Variants in KCTD9 observed in about 807,000 individuals in gnomAD.
KCTD9 encodes the protein potassium channel tetramerization domain containing 9, also known as BTB/POZ domain-containing protein KCTD9.
Under a neutral mutation model 53.3 loss-of-function variants are expected in KCTD9, and 17 were observed. The ratio of observed to expected loss-of-function variants is 0.32; its 90% CI spans 0.22 to 0.48. The LOEUF (loss-of-function observed/expected upper bound fraction) is 0.48. Ranked by LOEUF, KCTD9 falls within the 20% of genes least tolerant of loss-of-function variation. KCTD9 has a pLI of 0.99. For missense variants in KCTD9, 179 were observed against 465.5 expected (o/e 0.38, Z 5.66); for synonymous variants, 128 against 162.7 (o/e 0.79, Z 1.62).
At chr8:25,430,808 TACACACAC>T (rs139075991) in intron 11 of KCTD9, among the ~76,000 whole-genome samples, 14,206 of 145,474 alleles carry the variant, frequency 0.098, 739 homozygotes, top group African/African-American at 0.13. Context: ...ACATAATAAA[TACACACAC>T]ACACACACAC....
intron 1 of KCTD9, among the ~76,000 whole-genome samples, chr8:25,452,721 A>G (rs566853585): frequency 6.6e-6 from 1 of 152,364 alleles, no homozygotes; most frequent in Admixed American, 6.5e-5. Context: ...TCAATTTAAC[A>G]ACAAAATATA....
chr8:25,457,620 G>C (rs1266463357), intron 1 of KCTD9: 1 of 152,394 alleles, frequency 6.6e-6, no homozygotes, highest in East Asian at 1.9e-4. Context: ...CGGGGCGTGG[G>C]GGCTTGAGGC....
At chr8:25,434,795 A>T (rs983353843) in intron 9 of KCTD9, among the ~76,000 whole-genome samples, 2 of 152,170 alleles carry the variant, frequency 1.3e-5, no homozygotes, top group Admixed American at 6.5e-5. Flanking sequence ...AAATTAATAG[A>T]TTTCATTGTT....
At chr8:25,437,847 CAAAAAAAAAAAAAAAA>C (rs59540797) in intron 6 of KCTD9, among the ~76,000 whole-genome samples, 14 of 62,540 alleles carry the variant, frequency 2.2e-4, no homozygotes, top group South Asian at 1.4e-3. Context: ...GACCCTGTCT[CAAAAAAAAAAAAAAAA>C]AAAAAAAAAA....
chr8:25,430,749 G>A (rs1043486807), intron 11 of KCTD9, among the ~76,000 whole-genome samples: 3 of 151,788 alleles, frequency 2.0e-5, no homozygotes, highest in African/African-American at 7.3e-5. Flanking sequence ...CCAGTCCCTG[G>A]TGCCAAAAAG....
At chr8:25,433,262 T>C in intron 10 of KCTD9, 68 bp downstream of exon 10, 1 of 839,400 alleles carries the variant, frequency 1.2e-6, no homozygotes, top group Non-Finnish European at 1.9e-6. Flanking sequence ...TAACAATTAT[T>C]TTCCAGGGCT....
intron 3 of KCTD9, among the ~76,000 whole-genome samples, chr8:25,443,712 A>G (rs1354552450): frequency 6.6e-6 from 1 of 152,214 alleles, no homozygotes; most frequent in Non-Finnish European, 1.5e-5. Flanking sequence ...ATGCTTTAAA[A>G]AATACTTAAA....
At chr8:25,451,965 C>T (rs1319476570) in intron 1 of KCTD9, among the ~76,000 whole-genome samples, 3 of 152,062 alleles carry the variant, frequency 2.0e-5, no homozygotes, top group Non-Finnish European at 4.4e-5. Flanking sequence ...TGGCTGTCTG[C>T]CTGGATCCTA....
In KCTD9 at chr8:25,458,094, T is replaced by C. The variant is rs2117459992; in HGVS notation, c.48+105A>G. 10 of 1,153,126 alleles carry C rather than the reference T, an allele frequency of 8.7e-6. No homozygotes were observed. In the South Asian group the frequency reaches 9.9e-5, roughly 11 times the overall value. 71.4% of individuals were successfully genotyped at this position (1,153,126 alleles called of 1,614,324 possible). Reference sequence around the variant, plus strand: ...CGCCCCCAGCCCGCGCACGCCCACCTCCCAGCCCCTCTACCCAACTTCACC... The same window carrying C: ...CGCCCCCAGCCCGCGCACGCCCACCCCCCAGCCCCTCTACCCAACTTCACC... On this transcript the variant is annotated intron_variant, in intron 1 of 11. Transcript: ENST00000221200.
chr8:25,432,270 G>A (rs1480626055), intron 11 of KCTD9, among the ~76,000 whole-genome samples: 5 of 151,968 alleles, frequency 3.3e-5, no homozygotes, highest in Non-Finnish European at 5.9e-5. Context: ...AATTCTATTC[G>A]GAATTAAATT....
chr8:25,457,355 T>C (rs1001344688), intron 1 of KCTD9: 4 of 985,158 alleles, frequency 4.1e-6, no homozygotes, highest in Non-Finnish European at 4.8e-6. Flanking sequence ...ACGCAATAAA[T>C]GTCTGCCTCG....
At chr8:25,443,128 T>C (rs918688564) in intron 3 of KCTD9, among the ~76,000 whole-genome samples, 4 of 152,170 alleles carry the variant, frequency 2.6e-5, no homozygotes, top group African/African-American at 9.7e-5. Flanking sequence ...ACAAATTTTA[T>C]CTCTACCTAT....
Position 25,435,532 on chromosome 8 carries a change from A to T in KCTD9, c.664-20T>A. 3 of 1,578,316 alleles carry T rather than the reference A, an allele frequency of 1.9e-6. No homozygotes were observed. The East Asian group carries it at 7.0e-5, about 37-fold the overall frequency. On this transcript the variant is annotated intron_variant, in intron 8 of 11. Coordinates refer to ENST00000221200, the MANE Select transcript of KCTD9 (RefSeq NM_017634.4). ...CAAACCCTGAAATAAAAAAGCACAA[A>T]TTGTCACCATAACTAAATCGTCTGT...
intron 4 of KCTD9, among the ~76,000 whole-genome samples, chr8:25,440,095 G>A (rs1329840941): frequency 7.5e-6 from 1 of 133,456 alleles, no homozygotes; most frequent in Non-Finnish European, 1.5e-5. Flanking sequence ...GTCTCACTCT[G>A]TCACCCAGGC....
At chr8:25,443,436 T>C (rs1035065343) in intron 3 of KCTD9, among the ~76,000 whole-genome samples, 1 of 151,760 alleles carries the variant, frequency 6.6e-6, no homozygotes, top group Non-Finnish European at 1.5e-5. Context: ...GATGAAAATA[T>C]ACCAAATATT....
chr8:25,456,078 T>C (rs17202453), intron 1 of KCTD9, among the ~76,000 whole-genome samples: 6,377 of 152,232 alleles, frequency 0.042, 182 homozygotes, highest in South Asian at 0.1. Flanking sequence ...GGCGAGCATA[T>C]AACACAGCAC....
In KCTD9 at chr8:25,439,407, C is replaced by A; in HGVS notation, c.371G>T (p.Gly124Val). The change falls in exon 6 of 12, where the codon GGT becomes GTT. Residue 124 changes from glycine to valine, a missense_variant and splice_region_variant. Physicochemically the swap from Gly to Val is moderately radical, Grantham distance 109. Around this residue, in one of 4 missense-constraint regions of KCTD9, gnomAD observed 115 missense variants for 250.9 expected, o/e 0.46. Transcript: ENST00000221200. Reference sequence around the variant, plus strand: ...ATGATCTTGCTTATTTCCCCAGACACCTGTGTCACCATTATAATAAAGAAA... The same window carrying A: ...ATGATCTTGCTTATTTCCCCAGACAACTGTGTCACCATTATAATAAAGAAA... ...SMLAHMFKDK[G>V]VWGNKQDHRG... 1 of 1,603,408 alleles carries A rather than the reference C, an allele frequency of 6.2e-7. No homozygotes were observed. Among genetic ancestry groups the A allele is most frequent in the Non-Finnish European group, 8.5e-7 (1 of 1,176,428 alleles).
chr8:25,447,340 T>C (rs926383226), intron 1 of KCTD9, among the ~76,000 whole-genome samples: 4 of 152,086 alleles, frequency 2.6e-5, no homozygotes, highest in Non-Finnish European at 4.4e-5. Flanking sequence ...TGAGCCAAGG[T>C]TGCACCACTG....
intron 3 of KCTD9, among the ~76,000 whole-genome samples, chr8:25,443,201 T>A (rs2117415577): frequency 6.6e-6 from 1 of 151,916 alleles, no homozygotes; most frequent in East Asian, 1.9e-4. Flanking sequence ...GCGAAGAGCC[T>A]CCCTAGCACC....
Sources: allele counts gnomAD v4.1 joint callset (sites outside exome capture counted in the v4.1 genomes callset), GRCh38; gene constraint gnomAD v4.1.1; regional missense constraint gnomAD v4.1.1; transcripts MANE v1.5; gene names NCBI Gene and HGNC (gene_info 2026-07-23, HGNC 2026-07-21).